Variants in ULK4 observed in about 807,000 individuals in gnomAD.
The protein encoded by ULK4 is unc-51 like kinase 4.
A neutral mutation model predicts 160.6 loss-of-function variants in ULK4; 133 were observed. That is an observed-to-expected ratio of 0.83 (90% CI 0.72 to 0.96). The LOEUF (loss-of-function observed/expected upper bound fraction) is 0.96. Ranked by LOEUF, ULK4 falls within the 40% of genes least tolerant of loss-of-function variation. ULK4 has a pLI of 0.00. For synonymous variants in ULK4, 534 were observed against 539.8 expected, an observed-to-expected ratio of 0.99 and a Z score of 0.15; for missense variants, 1,580 against 1,499.5, an observed-to-expected ratio of 1.05 and a Z score of -0.89.
chr3:41,336,330 A>G (rs2080554659), intron 35 of ULK4, among the ~76,000 whole-genome samples: 1 of 152,202 alleles, frequency 6.6e-6, no homozygotes, highest in Admixed American at 6.5e-5. Flanking sequence ...TAAAGCTTAT[A>G]AGGAAACGTA....
Position 41,486,448 on chromosome 3 carries a change from T to C in ULK4, c.3227-23195A>G, listed in dbSNP as rs538379686. 1.9e-4 allele frequency among the ~76,000 whole-genome samples: 29 copies of C among 152,286 alleles called. No individual in the cohort carries two copies. In the South Asian group the frequency reaches 3.3e-3, roughly 17 times the overall value. ...CTCAGAGCTTGCTATAGCAAGAGAATTGGCCATCATTTACATTTGACGGAG... is the reference window on the plus strand; with the variant it reads ...CTCAGAGCTTGCTATAGCAAGAGAACTGGCCATCATTTACATTTGACGGAG... On this transcript the variant is annotated intron_variant, in intron 32 of 36. Coordinates refer to ENST00000301831, the MANE Select transcript of ULK4 (RefSeq NM_017886.4).
intron 32 of ULK4, among the ~76,000 whole-genome samples, chr3:41,490,419 T>A (rs1795316): frequency 6.6e-6 from 1 of 151,920 alleles, no homozygotes; most frequent in African/African-American, 2.4e-5. Context: ...CCTGCCTCTG[T>A]GCTCTGTTCC....
intron 32 of ULK4, among the ~76,000 whole-genome samples, chr3:41,519,895 T>C (rs1427006370): frequency 6.6e-6 from 1 of 152,206 alleles, no homozygotes; most frequent in African/African-American, 2.4e-5. Flanking sequence ...AAAATATTCA[T>C]GCACTTCTTT....
At chr3:41,445,377 C>A (rs1194424430) in intron 34 of ULK4, among the ~76,000 whole-genome samples, 5 of 152,096 alleles carry the variant, frequency 3.3e-5, no homozygotes, top group African/African-American at 9.7e-5. Context: ...AAACAACTTT[C>A]AAGTTCATAT....
chr3:41,695,523 C>T (rs2036462080), intron 27 of ULK4, among the ~76,000 whole-genome samples: 1 of 152,110 alleles, frequency 6.6e-6, no homozygotes, highest in Admixed American at 6.5e-5. Flanking sequence ...GAGTATGTCA[C>T]AAAGACACTT....
intron 35 of ULK4, among the ~76,000 whole-genome samples, chr3:41,331,735 A>C (rs957862612): frequency 3.3e-5 from 5 of 152,160 alleles, no homozygotes; most frequent in Non-Finnish European, 7.3e-5. Flanking sequence ...TTTGAGACGA[A>C]TTTCTTAGCA....
intron 35 of ULK4, among the ~76,000 whole-genome samples, chr3:41,364,837 G>T (rs4544584): frequency 0.16 from 23,734 of 151,958 alleles, 2,122 homozygotes; most frequent in African/African-American, 0.23. Context: ...TCTTTTTTAC[G>T]GCTTCAATAA....
chr3:41,644,950 A>T, intron 30 of ULK4, among the ~76,000 whole-genome samples: 1 of 151,836 alleles, frequency 6.6e-6, no homozygotes, highest in East Asian at 1.9e-4. Flanking sequence ...GAATTTATCC[A>T]TTTCTTCTAG....
chr3:41,360,617 G>C (rs1476249284), intron 35 of ULK4, among the ~76,000 whole-genome samples: 4 of 152,170 alleles, frequency 2.6e-5, no homozygotes, highest in Non-Finnish European at 5.9e-5. Context: ...CCTTTGCAGG[G>C]ACATGGTTGG....
intron 34 of ULK4, among the ~76,000 whole-genome samples, chr3:41,440,771 C>A (rs1297160844): frequency 6.6e-6 from 1 of 152,020 alleles, no homozygotes; most frequent in African/African-American, 2.4e-5. Context: ...AGCTATCTGG[C>A]ACTGGAGGCT....
Position 41,470,971 on chromosome 3 carries a change from T to C in ULK4, c.3227-7718A>G, listed in dbSNP as rs149574576. Among the ~76,000 whole-genome samples, 644 of 152,226 alleles carry C rather than the reference T, an allele frequency of 4.2e-3. 2 individuals carry two copies. Among genetic ancestry groups the C allele is most frequent in the Middle Eastern group, 0.02 (6 of 294 alleles). On this transcript the variant is annotated intron_variant, in intron 32 of 36. Transcript: ENST00000301831. ...ATAAAATGACAGAAGTCCTTACCTA[T>C]TGATAATTACCTTGAATGTAAACAG...
chr3:41,739,279 G>A (rs1022889100), intron 22 of ULK4, among the ~76,000 whole-genome samples: 6 of 151,832 alleles, frequency 4.0e-5, no homozygotes, highest in African/African-American at 1.2e-4. Context: ...ACTCCTCTGT[G>A]TGGCCTTCTC....
At chr3:41,523,327 CTAA>C (rs1256645463) in intron 32 of ULK4, among the ~76,000 whole-genome samples, 1 of 152,120 alleles carries the variant, frequency 6.6e-6, no homozygotes, top group Non-Finnish European at 1.5e-5. Flanking sequence ...CACGTCACTA[CTAA>C]TAAGATCAGA....
intron 30 of ULK4, among the ~76,000 whole-genome samples, chr3:41,637,378 G>C (rs1355865367): frequency 6.6e-6 from 1 of 152,030 alleles, no homozygotes; most frequent in Non-Finnish European, 1.5e-5. Context: ...GGATTTCTTT[G>C]TTTTTTAAAG....
chr3:41,396,771 G>C (rs577518612), intron 35 of ULK4, among the ~76,000 whole-genome samples: 1 of 152,256 alleles, frequency 6.6e-6, no homozygotes, highest in African/African-American at 2.4e-5. Context: ...ACTGTCCTCA[G>C]AAGTATTCAT....
At chr3:41,555,306 T>A in intron 32 of ULK4, among the ~76,000 whole-genome samples, 1 of 135,610 alleles carries the variant, frequency 7.4e-6, no homozygotes, top group Non-Finnish European at 1.6e-5. Flanking sequence ...TATAAAGAAC[T>A]TAAACAAATG....
At chr3:41,933,372 T>A (rs1699659356) in intron 4 of ULK4, among the ~76,000 whole-genome samples, 1 of 152,222 alleles carries the variant, frequency 6.6e-6, no homozygotes, top group South Asian at 2.1e-4. Flanking sequence ...CATACAGTCT[T>A]TTGTACTTCA....
chr3:41,380,250 G>A (rs1477383585), intron 35 of ULK4, among the ~76,000 whole-genome samples: 1 of 152,160 alleles, frequency 6.6e-6, no homozygotes, highest in Non-Finnish European at 1.5e-5. Flanking sequence ...AATAGCAATG[G>A]AAAACTGAGG....
chr3:41,683,122 C>A (rs1391011585), intron 27 of ULK4, among the ~76,000 whole-genome samples: 1 of 152,050 alleles, frequency 6.6e-6, no homozygotes, highest in Non-Finnish European at 1.5e-5. Context: ...CAGTACCTCA[C>A]TGATGCCATA....
Sources: allele counts gnomAD v4.1 joint callset (sites outside exome capture counted in the v4.1 genomes callset), GRCh38; gene constraint gnomAD v4.1.1; transcripts MANE v1.5; gene names NCBI Gene and HGNC (gene_info 2026-07-23, HGNC 2026-07-21).